Variants in FBXO7 observed in about 807,000 individuals in gnomAD.
FBXO7 encodes F-box protein 7, also known as F-box only protein 7.
Under a neutral mutation model 50.2 loss-of-function variants are expected in FBXO7, and 31 were observed. The observed-to-expected ratio is 0.62, with a 90% CI of 0.46 to 0.83. The LOEUF is 0.83. Ranked by LOEUF, FBXO7 falls within the 40% of genes least tolerant of loss-of-function variation. The probability of loss-of-function intolerance (pLI) is 0.00; values close to 1 mark genes in which losing one functional copy is unlikely to be tolerated. For missense variants in FBXO7, 667 were observed against 646.6 expected (o/e 1.03, Z -0.34); for synonymous variants, 256 against 253.1 (o/e 1.01, Z -0.11).
At chr22:32,479,607 G>T (rs1057391142) in intron 2 of FBXO7, among the ~76,000 whole-genome samples, 1 of 152,058 alleles carries the variant, frequency 6.6e-6, no homozygotes, top group African/African-American at 2.4e-5. Context: ...ATGTTGGTCA[G>T]GATGGTCTCG....
At chr22:32,483,811 C>A in intron 2 of FBXO7, 86 bp from the exon 3 acceptor site, 2 of 1,205,932 alleles carry the variant, frequency 1.7e-6, no homozygotes, top group Non-Finnish European at 2.4e-6. Context: ...CTTTGACTTT[C>A]AGCACTTAGT....
At chr22:32,495,599 G>T in intron 8 of FBXO7, 69 bp downstream of exon 8, 1 of 806,280 alleles carries the variant, frequency 1.2e-6, no homozygotes, top group Non-Finnish European at 1.9e-6. Flanking sequence ...ATATATTAAG[G>T]GTATATTTTC....
intron 5 of FBXO7, chr22:32,490,299 A>T (rs768247955): frequency 6.6e-6 from 1 of 152,256 alleles, no homozygotes; most frequent in Non-Finnish European, 1.5e-5. Context: ...GTCCAAGGCT[A>T]TACACTTGGT....
chr22:32,497,767 T>C (rs1331233066), intron 8 of FBXO7, among the ~76,000 whole-genome samples: 1 of 152,218 alleles, frequency 6.6e-6, no homozygotes, highest in Non-Finnish European at 1.5e-5. Context: ...CCACAGCCAC[T>C]TCAGCCTTTA....
chr22:32,496,448 C>T (rs1412668130), intron 8 of FBXO7, among the ~76,000 whole-genome samples: 2 of 152,142 alleles, frequency 1.3e-5, no homozygotes, highest in East Asian at 3.9e-4. Context: ...CTCCATTGCA[C>T]TCCAGCCCAG....
chr22:32,487,648 T>G, intron 4 of FBXO7, 97 bp from the exon 5 acceptor site: 1 of 760,242 alleles, frequency 1.3e-6, no homozygotes, highest in Non-Finnish European at 2.3e-6. Flanking sequence ...GTGTCCTTAG[T>G]ATATTAGGAG....
At chr22:32,479,745 A>G (rs2057452741) in intron 2 of FBXO7, among the ~76,000 whole-genome samples, 1 of 152,146 alleles carries the variant, frequency 6.6e-6, no homozygotes, top group Admixed American at 6.5e-5. Context: ...AAATGCCTGT[A>G]CCAATATGGG....
At position 32,493,298 on chromosome 22, in the gene FBXO7, C is replaced by T. The variant is rs576027596; in HGVS notation, c.1144+17C>T. The T allele has an allele frequency of 6.2e-7, 1 of 1,609,308 alleles. No individual in the cohort carries two copies. The highest frequency in any genetic ancestry group is 1.7e-4 in the Middle Eastern group (1 of 6,054). The stretch of plus-strand genomic sequence containing the variant: ...ATTTTCGAGGTGATTTCCGTAATGA[C>T]ATATTCACAAGAAAGGGCTCTTATT... On this transcript the variant is annotated intron_variant, in intron 7 of 8. Transcript: ENST00000266087.
Position 32,484,098 on chromosome 22 carries a change from A to T in FBXO7, c.619A>T (p.Met207Leu). 1.2e-6 allele frequency: 2 copies of T among 1,614,150 alleles called. No individual in the cohort carries two copies. The highest frequency in any genetic ancestry group is 1.7e-6 in the Non-Finnish European group (2 of 1,180,010). ...CTTGATAGTGTTGATACATCTTCTC[A>T]TGTTGGAGTCAGGTTACATACCTCA... ...DALIVLIHLLMLESGYIPQGT... is the reference protein window; with the variant it reads ...DALIVLIHLLLLESGYIPQGT... Residue 207 changes from methionine to leucine, a missense_variant, in exon 3 of 9, where the codon ATG becomes TTG. Physicochemically the swap from Met to Leu is conservative, Grantham distance 15. Coordinates refer to ENST00000266087, the MANE Select transcript of FBXO7 (RefSeq NM_012179.4).
rs535745579 is a variant in FBXO7, at chr22:32,492,786, G to T, written c.968-319G>T. The T allele has an allele frequency of 1.1e-4, 36 of 326,202 alleles. 1 individual carries two copies. The East Asian group carries it at 2.6e-3, about 23-fold the overall frequency. The allele number at this position is 326,202 out of a possible 1,614,324, so 20.2% of individuals were successfully genotyped here. A position where few individuals can be genotyped will look rare whatever the true frequency, so the allele number is the denominator to read the frequency against. The stretch of plus-strand genomic sequence containing the variant: ...TTGAATGAAGAAATTTTGTTGTATT[G>T]AATAATGTTTGAGACAGAAGAGACC... On this transcript the variant is annotated intron_variant, in intron 6 of 8. Transcript: ENST00000266087.
In FBXO7 at chr22:32,485,199, T is replaced by G. The variant is rs748387299; in HGVS notation, c.777T>G (p.Ile259Met). 6.2e-7 allele frequency: 1 copy of G among 1,614,106 alleles called. No individual in the cohort carries two copies. The highest frequency in any genetic ancestry group is 1.7e-5 in the Admixed American group (1 of 60,022). Residue 259 changes from isoleucine (I) to methionine (M), a missense_variant, in exon 4 of 9, where the codon ATT becomes ATG. By Grantham distance (10) the Ile-to-Met change is conservative. Transcript: ENST00000266087. ...CCTGTGTGCCTTTGGGAAACCTGAT[T>G]GTTGTAAATGGTAATTGGATAGCAT... is the stretch of plus-strand genomic sequence containing the variant. ...TLTCVPLGNL[I>M]VVNATLKINN...
Position 32,495,538 on chromosome 22 carries a change from T to A in FBXO7, c.1182+8T>A, listed in dbSNP as rs755860389. The A allele has an allele frequency of 6.7e-7, 1 of 1,500,404 alleles. No homozygotes were observed. The highest frequency in any genetic ancestry group is 9.2e-7 in the Non-Finnish European group (1 of 1,084,742). 92.9% of individuals were successfully genotyped at this position (1,500,404 alleles called of 1,614,324 possible). A position where few individuals can be genotyped will look rare whatever the true frequency, so the allele number is the denominator to read the frequency against. ...GACACAGATTGGAAAGAAGTAGGTA[T>A]TTTTAAATATTAAGACTAATGTCCA... is the stretch of plus-strand genomic sequence containing the variant. On this transcript the variant is annotated splice_region_variant and intron_variant, in intron 8 of 8. Coordinates refer to ENST00000266087, the MANE Select transcript of FBXO7 (RefSeq NM_012179.4).
chr22:32,484,129 G>A lies in FBXO7; in HGVS notation c.645+5G>A, dbSNP rs2057483389. 4.3e-6 allele frequency: 7 copies of A among 1,609,218 alleles called. No homozygotes were observed. The South Asian group carries it at 7.7e-5, about 18-fold the overall frequency. Reference sequence around the variant, plus strand: ...GAGTCAGGTTACATACCTCAGGTAAGTACTGCAAGCAAAACACAGACATCT... The same window carrying A: ...GAGTCAGGTTACATACCTCAGGTAAATACTGCAAGCAAAACACAGACATCT... On this transcript the variant is annotated splice_donor_5th_base_variant and intron_variant, in intron 3 of 8. Coordinates refer to ENST00000266087, the MANE Select transcript of FBXO7 (RefSeq NM_012179.4).
chr22:32,485,146 C>T lies in FBXO7; in HGVS notation c.724C>T (p.Leu242Phe), dbSNP rs1229365105. 1 of 1,614,184 alleles carries T rather than the reference C, an allele frequency of 6.2e-7. No individual in the cohort carries two copies. Among genetic ancestry groups the T allele is most frequent in the Non-Finnish European group, 8.5e-7 (1 of 1,180,040 alleles). ...GTATAAGCTGCAGTACATGCATCCT[C>T]TCTGCGAGGGCAGCTCCGCTACTCT... ...GVYKLQYMHP[L>F]CEGSSATLTC... Residue 242 changes from leucine (L) to phenylalanine (F), a missense_variant, in exon 4 of 9, where the codon CTC becomes TTC. Physicochemically the swap from Leu to Phe is conservative, Grantham distance 22. Coordinates refer to ENST00000266087, the MANE Select transcript of FBXO7 (RefSeq NM_012179.4).
At chr22:32,483,790 C>T (rs1428750727) in intron 2 of FBXO7, 107 bp from the exon 3 acceptor site, 1 of 956,340 alleles carries the variant, frequency 1.0e-6, no homozygotes, top group Non-Finnish European at 1.6e-6. Context: ...ATTTCTGAAC[C>T]CAATGATGTA....
At position 32,495,631 on chromosome 22, in the gene FBXO7, ATC is replaced by A. The variant is rs2057569307; in HGVS notation, c.1182+103_1182+104del. The A allele has an allele frequency of 3.6e-5, 19 of 528,262 alleles. No homozygotes were observed. The East Asian group carries it at 6.0e-4, about 17-fold the overall frequency. The allele number at this position is 528,262 out of a possible 1,614,324, so 32.7% of individuals were successfully genotyped here. On this transcript the variant is annotated intron_variant, in intron 8 of 8. Transcript: ENST00000266087. ...TTTCACTTTTATATGATGTAGTGAA[ATC>A]TGTTTTAATTTATTGCTAAATTTCA...
At chr22:32,477,883 T>C (rs947744375) in intron 1 of FBXO7, among the ~76,000 whole-genome samples, 2 of 152,222 alleles carry the variant, frequency 1.3e-5, no homozygotes, top group Admixed American at 6.5e-5. Flanking sequence ...GCTGATCTTA[T>C]GAAACTTAAG....
chr22:32,482,564 T>G (rs1342003100), intron 2 of FBXO7, among the ~76,000 whole-genome samples: 2 of 152,238 alleles, frequency 1.3e-5, no homozygotes, highest in African/African-American at 4.8e-5. Flanking sequence ...AGTTTAGAGA[T>G]CTGGGTTCGT....
chr22:32,498,011 T>C, intron 8 of FBXO7, 133 bp from the exon 9 acceptor site: 1 of 993,862 alleles, frequency 1.0e-6, no homozygotes, highest in Non-Finnish European at 1.5e-6. Context: ...GTTTATTGCA[T>C]TGGTTTGGGA....
Sources: allele counts gnomAD v4.1 joint callset (sites outside exome capture counted in the v4.1 genomes callset), GRCh38; gene constraint gnomAD v4.1.1; transcripts MANE v1.5; gene names NCBI Gene and HGNC (gene_info 2026-07-23, HGNC 2026-07-21).